MTUS2: variants seen among roughly 807,000 people sequenced by gnomAD.
MTUS2 encodes the protein microtubule-associated tumor suppressor candidate 2.
A neutral mutation model predicts 114.1 loss-of-function variants in MTUS2; 40 were observed. The ratio of observed to expected loss-of-function variants is 0.35; its 90% CI spans 0.27 to 0.46. MTUS2 has a LOEUF of 0.46. MTUS2 is among the 20% of genes least tolerant of loss of function. The probability of loss-of-function intolerance (pLI) is 1.00; values close to 1 mark genes in which losing one functional copy is unlikely to be tolerated. For synonymous variants in MTUS2, 688 were observed against 672.0 expected (o/e 1.02, Z -0.37); for missense variants, 1,679 against 1,705.4 (o/e 0.98, Z 0.27).
At chr13:29,212,812 A>C (rs1895503616) in intron 5 of MTUS2, among the ~76,000 whole-genome samples, 1 of 152,256 alleles carries the variant, frequency 6.6e-6, no homozygotes, top group Non-Finnish European at 1.5e-5. Flanking sequence ...TCACCAACCC[A>C]GAAGCCCTCT....
chr13:29,059,880 C>T (rs745856246), intron 4 of MTUS2, among the ~76,000 whole-genome samples: 30 of 152,240 alleles, frequency 2.0e-4, no homozygotes, highest in Non-Finnish European at 4.1e-4. Flanking sequence ...TTTACTTTGC[C>T]ATCTGGTGGC....
At chr13:29,224,210 C>A (rs1219947700) in intron 5 of MTUS2, among the ~76,000 whole-genome samples, 2 of 152,110 alleles carry the variant, frequency 1.3e-5, no homozygotes, top group Admixed American at 6.5e-5. Flanking sequence ...AAAGTGACAC[C>A]CCAAGGATCC....
chr13:29,454,777 AACTATTTCTTT>A (rs1258523846), intron 9 of MTUS2, among the ~76,000 whole-genome samples: 1 of 152,184 alleles, frequency 6.6e-6, no homozygotes, highest in Non-Finnish European at 1.5e-5. Flanking sequence ...CTATCTGCAT[AACTATTTCTTT>A]TCTAGTTCCT....
chr13:28,969,270 T>G (rs1883742333), intron 2 of MTUS2, among the ~76,000 whole-genome samples: 1 of 152,104 alleles, frequency 6.6e-6, no homozygotes, highest in South Asian at 2.1e-4. Context: ...GCAAACTATT[T>G]TTTTAATTGC....
At position 29,073,428 on chromosome 13, in the gene MTUS2, A is replaced by C. The variant is rs181518933; in HGVS notation, c.2447-27345A>C. On this transcript the variant is annotated intron_variant, in intron 4 of 15. Coordinates refer to ENST00000612955, the MANE Select transcript of MTUS2 (RefSeq NM_001033602.4). Reference sequence around the variant, plus strand: ...TGACTAGTTTCTCTTTCTGGCCTGGATATTAAATAATGCCAGGGAACCACA... The same window carrying C: ...TGACTAGTTTCTCTTTCTGGCCTGGCTATTAAATAATGCCAGGGAACCACA... 2.0e-3 allele frequency among the ~76,000 whole-genome samples: 303 copies of C among 152,328 alleles called. 4 individuals are homozygous for C. Among genetic ancestry groups the C allele is most frequent in the Non-Finnish European group, 4.3e-4 (29 of 68,042 alleles).
chr13:29,475,550 A>C (rs1206723570), intron 9 of MTUS2, among the ~76,000 whole-genome samples: 1 of 152,226 alleles, frequency 6.6e-6, no homozygotes, highest in East Asian at 1.9e-4. Context: ...CCAGTGGGAC[A>C]AGATGTGGAG....
chr13:28,982,864 CA>C (rs1403475022), intron 2 of MTUS2, among the ~76,000 whole-genome samples: 1 of 152,036 alleles, frequency 6.6e-6, no homozygotes, highest in East Asian at 1.9e-4. Flanking sequence ...GGGTGGTTGC[CA>C]GGGGTTGGGG....
intron 2 of MTUS2, among the ~76,000 whole-genome samples, chr13:28,999,646 TCTAG>T (rs1885293364): frequency 6.6e-6 from 1 of 152,198 alleles, no homozygotes; most frequent in Non-Finnish European, 1.5e-5. Context: ...AATTCTCTCT[TCTAG>T]CTATTTTGTA....
intron 5 of MTUS2, among the ~76,000 whole-genome samples, chr13:29,230,871 G>A (rs1896296461): frequency 6.6e-6 from 1 of 152,092 alleles, no homozygotes; most frequent in Non-Finnish European, 1.5e-5. Flanking sequence ...AGAGTATTTA[G>A]GTGGGTTGCA....
At chr13:29,049,637 G>A (rs1887798146) in intron 4 of MTUS2, among the ~76,000 whole-genome samples, 5 of 152,204 alleles carry the variant, frequency 3.3e-5, no homozygotes, top group Admixed American at 3.3e-4. Flanking sequence ...GCCTTCAGCT[G>A]TGGGTCTCAG....
In MTUS2 at chr13:29,026,344, C is replaced by T. The variant is rs936439363; in HGVS notation, c.1646C>T (p.Thr549Ile). 45 of 1,613,878 alleles carry T rather than the reference C, an allele frequency of 2.8e-5. No homozygotes were observed. The highest frequency in any genetic ancestry group is 4.0e-5 in the African/African-American group (3 of 74,944). The change falls in exon 3 of 16, where the codon ACA (threonine) becomes ATA (isoleucine). Residue 549 changes from threonine (T) to isoleucine (I), a missense_variant. Around this residue, in one of 3 missense-constraint regions of MTUS2, gnomAD observed 843 missense variants for 770.8 expected, o/e 1.09. Transcript: ENST00000612955. The stretch of plus-strand genomic sequence containing the variant: ...ACTGTGAACATGACCTACCAGCCTA[C>T]AACACCCAGTAGCAGTTTTCAGGAT... Reference protein sequence around the residue: ...ETTVNMTYQPTTPSSSFQDVS... With the variant: ...ETTVNMTYQPITPSSSFQDVS...
chr13:29,382,005 C>T (rs1872249746), intron 8 of MTUS2, among the ~76,000 whole-genome samples: 1 of 152,174 alleles, frequency 6.6e-6, no homozygotes, highest in Non-Finnish European at 1.5e-5. Context: ...ACGGGGAATA[C>T]AACAGAGAGC....
chr13:28,969,401 G>A lies in MTUS2; in HGVS notation c.-242-55056G>A, dbSNP rs147506091. Among the ~76,000 whole-genome samples the A allele has an allele frequency of 7.3e-3, 1,113 of 152,162 alleles. 16 individuals are homozygous for A. The highest frequency in any genetic ancestry group is 0.026 in the African/African-American group (1,061 of 41,518). On this transcript the variant is annotated intron_variant, in intron 2 of 15. Transcript: ENST00000612955. ...CATCTCAAACATTTATCATTTTTGT[G>A]TTGGAAACGTTCAGTATCTTCCTTC... is the stretch of plus-strand genomic sequence containing the variant.
intron 5 of MTUS2, among the ~76,000 whole-genome samples, chr13:29,215,579 G>T (rs1895647517): frequency 6.8e-6 from 1 of 147,920 alleles, no homozygotes; most frequent in African/African-American, 2.5e-5. Context: ...TCTTTTTGTT[G>T]ATGTTGATGT....
At chr13:29,260,926 G>C (rs2139462733) in intron 5 of MTUS2, among the ~76,000 whole-genome samples, 1 of 152,198 alleles carries the variant, frequency 6.6e-6, no homozygotes, top group East Asian at 1.9e-4. Flanking sequence ...CAATACACAG[G>C]GCAGCACTCC....
At chr13:29,121,725 C>T (rs1891318451) in intron 5 of MTUS2, among the ~76,000 whole-genome samples, 1 of 151,620 alleles carries the variant, frequency 6.6e-6, no homozygotes, top group East Asian at 1.9e-4. Flanking sequence ...GGCATGATCG[C>T]GGCTCACCGC....
At chr13:28,981,327 A>C (rs752788742) in intron 2 of MTUS2, among the ~76,000 whole-genome samples, 1 of 152,242 alleles carries the variant, frequency 6.6e-6, no homozygotes, top group African/African-American at 2.4e-5. Context: ...GTATGATTTT[A>C]TTCATAAAGA....
At chr13:28,989,509 C>T (rs1169703025) in intron 2 of MTUS2, among the ~76,000 whole-genome samples, 2 of 152,124 alleles carry the variant, frequency 1.3e-5, no homozygotes, top group Non-Finnish European at 2.9e-5. Flanking sequence ...AGGAGGAGGT[C>T]GCAGGTTTGA....
intron 9 of MTUS2, among the ~76,000 whole-genome samples, chr13:29,450,345 C>T (rs1314337920): frequency 6.6e-6 from 1 of 152,058 alleles, no homozygotes; most frequent in Non-Finnish European, 1.5e-5. Flanking sequence ...TCAATTGCCT[C>T]AACACTTAGA....
Sources: allele counts gnomAD v4.1 joint callset (sites outside exome capture counted in the v4.1 genomes callset), GRCh38; gene constraint gnomAD v4.1.1; regional missense constraint gnomAD v4.1.1; transcripts MANE v1.5; gene names NCBI Gene and HGNC (gene_info 2026-07-23, HGNC 2026-07-21).